Variants in LDLRAD3 observed in about 807,000 individuals in gnomAD.
LDLRAD3 encodes the protein low density lipoprotein receptor class A domain containing 3.
LDLRAD3 carries 20 observed loss-of-function variants against 29.4 expected under a neutral mutation model. That is an observed-to-expected ratio of 0.68 (90% confidence interval 0.48 to 0.99). The LOEUF is 0.99. Ranked by LOEUF, LDLRAD3 falls within the 50% of genes least tolerant of loss-of-function variation. The pLI is 0.00. For missense variants in LDLRAD3, 420 were observed against 454.3 expected (o/e 0.92, Z 0.69); for synonymous variants, 157 against 192.7 (o/e 0.81, Z 1.53).
chr11:36,135,851 A>C (rs1853996644), intron 4 of LDLRAD3, among the ~76,000 whole-genome samples: 1 of 152,204 alleles, frequency 6.6e-6, no homozygotes, highest in Non-Finnish European at 1.5e-5. Flanking sequence ...CAGAGGTTGC[A>C]GTGAGCCGAG....
chr11:36,054,384 C>T (rs1479061177), intron 2 of LDLRAD3, among the ~76,000 whole-genome samples: 6 of 152,174 alleles, frequency 3.9e-5, no homozygotes, highest in South Asian at 2.1e-4. Context: ...ATTTTAAAAA[C>T]AAAACAGTAC....
chr11:36,228,859 A>G (rs556064287), intron 5 of LDLRAD3, among the ~76,000 whole-genome samples: 9 of 152,200 alleles, frequency 5.9e-5, no homozygotes, highest in African/African-American at 1.9e-4. Context: ...CAGAGTGGCA[A>G]TGCCAAACCA....
chr11:36,100,148 G>A (rs1204671383), intron 4 of LDLRAD3, among the ~76,000 whole-genome samples: 1 of 152,102 alleles, frequency 6.6e-6, no homozygotes, highest in Non-Finnish European at 1.5e-5. Flanking sequence ...AGCCATCGGC[G>A]TTTTACTTAA....
chr11:36,139,827 G>A (rs1467603259), intron 4 of LDLRAD3, among the ~76,000 whole-genome samples: 1 of 152,202 alleles, frequency 6.6e-6, no homozygotes, highest in Non-Finnish European at 1.5e-5. Context: ...GAAGAACCTA[G>A]TATGGAAAGA....
At chr11:36,081,370 C>T (rs570263923) in intron 2 of LDLRAD3, among the ~76,000 whole-genome samples, 1 of 152,320 alleles carries the variant, frequency 6.6e-6, no homozygotes, top group East Asian at 1.9e-4. Context: ...ACCTGTTCTT[C>T]GTTCATGGCT....
chr11:36,199,813 A>G (rs1487944647), intron 4 of LDLRAD3, among the ~76,000 whole-genome samples: 1 of 152,214 alleles, frequency 6.6e-6, no homozygotes, highest in Non-Finnish European at 1.5e-5. Context: ...TGAGTAACCA[A>G]GGTCATCTAA....
intron 4 of LDLRAD3, among the ~76,000 whole-genome samples, chr11:36,147,284 A>G (rs760037268): frequency 2.7e-5 from 4 of 147,772 alleles, no homozygotes; most frequent in Non-Finnish European, 6.0e-5. Context: ...CACCCAGCTA[A>G]TTTTTTTGTA....
At chr11:35,965,690 C>T (rs966311410) in intron 1 of LDLRAD3, among the ~76,000 whole-genome samples, 1 of 151,996 alleles carries the variant, frequency 6.6e-6, no homozygotes, top group African/African-American at 2.4e-5. Flanking sequence ...ATCTGCCAGG[C>T]GTATGTTAGG....
intron 4 of LDLRAD3, among the ~76,000 whole-genome samples, chr11:36,134,900 G>A (rs1395576314): frequency 6.6e-6 from 1 of 152,114 alleles, no homozygotes; most frequent in African/African-American, 2.4e-5. Context: ...TACCATGAGG[G>A]TATTAAAGGG....
At chr11:36,172,774 T>C (rs12420381) in intron 4 of LDLRAD3, among the ~76,000 whole-genome samples, 7,772 of 152,258 alleles carry the variant, frequency 0.051, 419 homozygotes, top group East Asian at 0.33. Flanking sequence ...TCAGGGATAT[T>C]GGTCTGTAAT....
At chr11:35,947,346 C>A (rs1851070603) in intron 1 of LDLRAD3, among the ~76,000 whole-genome samples, 1 of 151,898 alleles carries the variant, frequency 6.6e-6, no homozygotes, top group African/African-American at 2.4e-5. Flanking sequence ...GTCGTCTCTA[C>A]TAAAAATACA....
intron 1 of LDLRAD3, among the ~76,000 whole-genome samples, chr11:35,959,904 C>CT (rs1236263401): frequency 6.6e-6 from 1 of 152,126 alleles, no homozygotes; most frequent in Non-Finnish European, 1.5e-5. Context: ...TCTACTCCAG[C>CT]TTTGGTGACA....
intron 1 of LDLRAD3, among the ~76,000 whole-genome samples, chr11:35,981,013 G>C (rs1389516367): frequency 6.6e-6 from 1 of 152,098 alleles, no homozygotes; most frequent in South Asian, 2.1e-4. Flanking sequence ...AGACTTCCTC[G>C]TTTGGATTTT....
chr11:36,140,149 A>G (rs78498371), intron 4 of LDLRAD3, among the ~76,000 whole-genome samples: 20,761 of 152,188 alleles, frequency 0.14, 1,571 homozygotes, highest in African/African-American at 0.15. Flanking sequence ...ACCTCTGAAT[A>G]TGGCATGTTT....
intron 1 of LDLRAD3, among the ~76,000 whole-genome samples, chr11:36,008,233 T>C (rs1024953175): frequency 1.8e-4 from 27 of 152,094 alleles, no homozygotes; most frequent in African/African-American, 5.6e-4. Flanking sequence ...GGTAAACAAA[T>C]TGGGTAAAAT....
intron 4 of LDLRAD3, among the ~76,000 whole-genome samples, chr11:36,116,445 G>A (rs1324829692): frequency 6.6e-6 from 1 of 152,032 alleles, no homozygotes; most frequent in Non-Finnish European, 1.5e-5. Context: ...GGGATGGGGG[G>A]ATGCTCATAA....
At chr11:35,998,927 A>G (rs1167569296) in intron 1 of LDLRAD3, among the ~76,000 whole-genome samples, 1 of 152,202 alleles carries the variant, frequency 6.6e-6, no homozygotes, top group African/African-American at 2.4e-5. Flanking sequence ...AGAGTCGTTC[A>G]GGCAGATGCA....
At chr11:35,977,849 C>T (rs755185467) in intron 1 of LDLRAD3, among the ~76,000 whole-genome samples, 2 of 152,126 alleles carry the variant, frequency 1.3e-5, no homozygotes, top group Non-Finnish European at 2.9e-5. Context: ...CATTCATGAC[C>T]TAACCACCTC....
intron 2 of LDLRAD3, among the ~76,000 whole-genome samples, chr11:36,076,411 G>A (rs1218412519): frequency 6.7e-6 from 1 of 149,576 alleles, no homozygotes; most frequent in Non-Finnish European, 1.5e-5. Context: ...TTTTTGAGAT[G>A]AGTCTCTCTC....
Sources: allele counts gnomAD v4.1 joint callset (sites outside exome capture counted in the v4.1 genomes callset), GRCh38; gene constraint gnomAD v4.1.1; transcripts MANE v1.5; gene names NCBI Gene and HGNC (gene_info 2026-07-23, HGNC 2026-07-21).